TBC1D22A: variants seen among roughly 807,000 people sequenced by gnomAD.
TBC1D22A encodes TBC1 domain family member 22A.
In TBC1D22A, 38 loss-of-function variants were observed where a neutral mutation model predicts 60.2. The observed-to-expected ratio is 0.63, with a 90% CI of 0.49 to 0.83. The LOEUF is 0.83. TBC1D22A is among the 40% of genes least tolerant of loss of function. TBC1D22A has a pLI of 0.00. For missense variants in TBC1D22A, 628 were observed against 701.0 expected (o/e 0.90, Z 1.18); for synonymous variants, 302 against 281.7 (o/e 1.07, Z -0.72).
chr22:46,787,849 G>C (rs1428252936), intron 1 of TBC1D22A, among the ~76,000 whole-genome samples: 2 of 151,966 alleles, frequency 1.3e-5, no homozygotes, highest in African/African-American at 2.4e-5. Context: ...TCTCTGGGTG[G>C]TGTCTGTGTG....
chr22:46,907,365 C>T (rs1458909406), intron 7 of TBC1D22A, among the ~76,000 whole-genome samples: 1 of 152,176 alleles, frequency 6.6e-6, no homozygotes, highest in Admixed American at 6.5e-5. Context: ...CCCTGAGGTC[C>T]TGACTGGTTG....
chr22:47,171,670 G>T (rs1173649173), intron 12 of TBC1D22A, among the ~76,000 whole-genome samples: 1 of 152,196 alleles, frequency 6.6e-6, no homozygotes, highest in Non-Finnish European at 1.5e-5. Context: ...CCGGAGACCT[G>T]CCCTGCCCTT....
At chr22:46,839,665 C>T (rs571018825) in intron 4 of TBC1D22A, among the ~76,000 whole-genome samples, 27 of 152,170 alleles carry the variant, frequency 1.8e-4, no homozygotes, top group Admixed American at 8.5e-4. Context: ...AGAATGAAGC[C>T]GGAGCCACCC....
In TBC1D22A at chr22:47,028,407, C is replaced by A. The variant is rs903153045; in HGVS notation, c.1202-8664C>A. On this transcript the variant is annotated intron_variant, in intron 10 of 12. Transcript: ENST00000337137. The surrounding 1 kb of genome is among the most constrained non-coding windows in gnomAD (Gnocchi z 4.4). ...CCTGTCCCTCGGTCCCTGTCCCCCA[C>A]GGCCCAGGTTCTGAGAGCGAGTGGT... Among the ~76,000 whole-genome samples, 2 of 139,146 alleles carry A rather than the reference C, an allele frequency of 1.4e-5. No homozygotes were observed. The highest frequency in any genetic ancestry group is 4.2e-4 in the East Asian group (2 of 4,758). 91.3% of individuals were successfully genotyped at this position (139,146 alleles called of 152,430 possible).
chr22:46,845,984 G>A (rs939271666), intron 4 of TBC1D22A, among the ~76,000 whole-genome samples: 4 of 152,236 alleles, frequency 2.6e-5, no homozygotes, highest in African/African-American at 9.6e-5. Flanking sequence ...CTCTGTGGGA[G>A]GGCTGGGATG....
chr22:47,173,635 C>T lies in TBC1D22A; in HGVS notation c.*9C>T, dbSNP rs555885710. 2 of 1,613,652 alleles carry T rather than the reference C, an allele frequency of 1.2e-6. No individual in the cohort carries two copies. Among genetic ancestry groups the T allele is most frequent in the Non-Finnish European group, 1.7e-6 (2 of 1,179,822 alleles). ...ATCACTACAAGAAATGAGCCCAGGC[C>T]CACCCGCAGCTGGCCTCACTGTCCC... On this transcript the variant is annotated 3_prime_UTR_variant, in exon 13 of 13. Transcript: ENST00000337137.
At chr22:46,799,180 T>C (rs934762164) in intron 4 of TBC1D22A, among the ~76,000 whole-genome samples, 2 of 152,192 alleles carry the variant, frequency 1.3e-5, no homozygotes, top group Non-Finnish European at 2.9e-5. Flanking sequence ...CGATGGCCCA[T>C]GCATCTGTTG....
At chr22:46,863,104 G>A (rs1448393235) in intron 4 of TBC1D22A, among the ~76,000 whole-genome samples, 2 of 152,112 alleles carry the variant, frequency 1.3e-5, no homozygotes, top group African/African-American at 4.8e-5. Flanking sequence ...CTCTTTCTGT[G>A]GTTGCACTGG....
At chr22:46,851,036 G>A (rs946987753) in intron 4 of TBC1D22A, among the ~76,000 whole-genome samples, 1 of 152,210 alleles carries the variant, frequency 6.6e-6, no homozygotes, top group African/African-American at 2.4e-5. Flanking sequence ...GAACAGGCAC[G>A]TGGTTCCTGT....
In TBC1D22A at chr22:46,929,150, G is replaced by A. The variant is rs1389992014; in HGVS notation, c.1015+16962G>A. Among the ~76,000 whole-genome samples the A allele has an allele frequency of 4.6e-5, 7 of 152,324 alleles. 1 individual carries two copies. The East Asian group carries it at 5.8e-4, about 13-fold the overall frequency. On this transcript the variant is annotated intron_variant, in intron 8 of 12. Transcript: ENST00000337137. ...AAAGAAAGTGGAAGCTCATTATCCC[G>A]TTGTAAGGAGATGTAATTGGCAGCT...
intron 7 of TBC1D22A, among the ~76,000 whole-genome samples, chr22:46,896,949 T>C (rs1204122405): frequency 6.6e-6 from 1 of 152,182 alleles, no homozygotes. Context: ...AAGACAGTTT[T>C]TAGTTTGGGA....
At chr22:46,876,871 A>G (rs1372201262) in intron 4 of TBC1D22A, among the ~76,000 whole-genome samples, 1 of 152,176 alleles carries the variant, frequency 6.6e-6, no homozygotes, top group East Asian at 1.9e-4. Context: ...AGATGTACCA[A>G]ACACCTATGA....
At chr22:46,992,351 C>T (rs916366100) in intron 9 of TBC1D22A, among the ~76,000 whole-genome samples, 13 of 152,250 alleles carry the variant, frequency 8.5e-5, no homozygotes, top group Non-Finnish European at 1.5e-4. Flanking sequence ...GACTCAGCAC[C>T]GAGGATGTTA....
At chr22:47,095,910 C>T (rs900028571) in intron 11 of TBC1D22A, among the ~76,000 whole-genome samples, 4 of 152,220 alleles carry the variant, frequency 2.6e-5, no homozygotes, top group African/African-American at 9.6e-5. Flanking sequence ...TGGAGGCTGG[C>T]CCTGTCCACT....
At chr22:46,915,839 A>C in intron 8 of TBC1D22A, 1 of 456,194 alleles carries the variant, frequency 2.2e-6, no homozygotes, top group Non-Finnish European at 4.4e-6. Flanking sequence ...GGAGTGTGGC[A>C]TTGGTCCTGA....
At chr22:46,862,604 C>T (rs566029750) in intron 4 of TBC1D22A, among the ~76,000 whole-genome samples, 6 of 152,282 alleles carry the variant, frequency 3.9e-5, no homozygotes, top group South Asian at 4.1e-4. Context: ...AGCGGGGCTG[C>T]GGGAATTGGC....
intron 9 of TBC1D22A, among the ~76,000 whole-genome samples, chr22:46,994,430 G>A (rs912591528): frequency 2.0e-5 from 3 of 152,182 alleles, no homozygotes; most frequent in Non-Finnish European, 2.9e-5. Flanking sequence ...TCCATGGGGC[G>A]AGCATTTCTG....
Position 46,894,808 on chromosome 22 carries a change from A to C in TBC1D22A, c.862A>C (p.Ser288Arg). The change falls in exon 7 of 13, where the codon AGC becomes CGC. Residue 288 changes from serine to arginine, a missense_variant. Physicochemically the swap from Ser to Arg is moderately radical, Grantham distance 110 (BLOSUM62 -1). Coordinates refer to ENST00000337137, the MANE Select transcript of TBC1D22A (RefSeq NM_014346.5). ...RQIHIDIPRM[S>R]PEALILQPKV... The stretch of plus-strand genomic sequence containing the variant: ...GATCCACATAGACATCCCTCGCATG[A>C]GCCCTGAAGCGTTGATCCTGCAGCC... 6.2e-7 allele frequency: 1 copy of C among 1,614,230 alleles called. No homozygotes were observed. The highest frequency in any genetic ancestry group is 8.5e-7 in the Non-Finnish European group (1 of 1,180,030).
At chr22:47,162,454 A>G (rs1356463381) in intron 12 of TBC1D22A, among the ~76,000 whole-genome samples, 1 of 152,120 alleles carries the variant, frequency 6.6e-6, no homozygotes, top group African/African-American at 2.4e-5. Flanking sequence ...AGTACCCTTG[A>G]CCGAGCCTCC....
Sources: gnomAD v4.1 joint callset for allele counts (sites outside exome capture counted in the v4.1 genomes callset) on GRCh38, gnomAD v4.1.1 for gene constraint, Gnocchi (gnomAD v3.1) non-coding constraint, MANE v1.5 for transcripts, NCBI Gene and HGNC (gene_info 2026-07-23, HGNC 2026-07-21) for gene names.